The following SGTB variants were observed in gnomAD, a reference collection of about 807,000 sequenced individuals.
SGTB encodes small glutamine-rich tetratricopeptide repeat-containing protein beta.
A neutral mutation model predicts 43.9 loss-of-function variants in SGTB; 19 were observed. That is an observed-to-expected ratio of 0.43 (90% CI 0.30 to 0.63). The LOEUF (loss-of-function observed/expected upper bound fraction) is 0.63, where lower values mean the gene tolerates loss of function less well. SGTB is among the 30% of genes least tolerant of loss of function. The pLI, the probability that SGTB is intolerant of heterozygous loss-of-function variation, is 0.12. For synonymous variants in SGTB, 116 were observed against 117.3 expected, an observed-to-expected ratio of 0.99 and a Z score of 0.07; for missense variants, 304 against 358.9, an observed-to-expected ratio of 0.85 and a Z score of 1.24.
At position 65,669,295 on chromosome 5, in the gene SGTB, G is replaced by T. The variant is rs1757107218; in HGVS notation, c.*951C>A. ...TAAGTTTTCTTTTTAAAAAAAATCAGTGTTTATGGGCACACAATTAAATAC... is the reference window on the plus strand; with the variant it reads ...TAAGTTTTCTTTTTAAAAAAAATCATTGTTTATGGGCACACAATTAAATAC... On this transcript the variant is annotated 3_prime_UTR_variant, in exon 11 of 11. Transcript: ENST00000381007. The T allele has an allele frequency of 6.6e-6, 1 of 152,110 alleles. No homozygotes were observed. The highest frequency in any genetic ancestry group is 6.6e-5 in the Admixed American group (1 of 15,262). 9.4% of individuals were successfully genotyped at this position (152,110 alleles called of 1,614,324 possible).
intron 8 of SGTB, among the ~76,000 whole-genome samples, chr5:65,679,839 T>C (rs578213458): frequency 3.3e-5 from 5 of 152,168 alleles, no homozygotes; most frequent in Non-Finnish European, 7.3e-5. Context: ...ATAGAAATCT[T>C]TCTACTGTAA....
chr5:65,722,517 G>A, upstream of SGTB: 1 of 1,094,034 alleles, frequency 9.1e-7, no homozygotes, highest in Non-Finnish European at 1.3e-6. Context: ...GCGCCTCTCC[G>A]ACGCTCCCGG....
chr5:65,704,590 TA>T (rs1204676779), intron 4 of SGTB, among the ~76,000 whole-genome samples: 17 of 152,222 alleles, frequency 1.1e-4, no homozygotes, highest in African/African-American at 3.9e-4. Context: ...CAAAGTCTTT[TA>T]AAAAATTAAT....
intron 8 of SGTB, among the ~76,000 whole-genome samples, chr5:65,679,044 C>T (rs1427984317): frequency 6.6e-6 from 1 of 152,062 alleles, no homozygotes; most frequent in Non-Finnish European, 1.5e-5. Context: ...AAACAATCAA[C>T]AGAGTAAACA....
intron 5 of SGTB, among the ~76,000 whole-genome samples, chr5:65,699,911 G>A (rs972262579): frequency 6.6e-6 from 1 of 152,182 alleles, no homozygotes; most frequent in African/African-American, 2.4e-5. Flanking sequence ...GAATTTGATA[G>A]GGGCAAAACT....
At chr5:65,699,212 G>A (rs1395138068) in intron 5 of SGTB, among the ~76,000 whole-genome samples, 1 of 152,168 alleles carries the variant, frequency 6.6e-6, no homozygotes, top group African/African-American at 2.4e-5. Context: ...CCACAAAAAA[G>A]AACAAGATAA....
In SGTB at chr5:65,668,258, G is replaced by C. The variant is rs1474486718; in HGVS notation, c.*1988C>G. 1 of 151,878 alleles carries C rather than the reference G, an allele frequency of 6.6e-6. No homozygotes were observed. Among genetic ancestry groups the C allele is most frequent in the South Asian group, 2.1e-4 (1 of 4,804 alleles). 9.4% of individuals were successfully genotyped at this position (151,878 alleles called of 1,614,324 possible). ...ATGAGCCACAGCGCCCGGCCAATTA[G>C]TCTTTTGATAAGGGTTCTATAAGGC... On this transcript the variant is annotated 3_prime_UTR_variant, in exon 11 of 11. Coordinates refer to ENST00000381007, the MANE Select transcript of SGTB (RefSeq NM_019072.3).
At chr5:65,685,239 C>G (rs1757476091) in intron 6 of SGTB, 129 bp downstream of exon 6, 1 of 717,474 alleles carries the variant, frequency 1.4e-6, no homozygotes, top group Non-Finnish European at 2.3e-6. Flanking sequence ...CATTTCCTCC[C>G]TTATGTTTTA....
At chr5:65,675,905 C>A (rs1757256426) in intron 8 of SGTB, among the ~76,000 whole-genome samples, 1 of 152,122 alleles carries the variant, frequency 6.6e-6, no homozygotes, top group Non-Finnish European at 1.5e-5. Context: ...AGTATACAGA[C>A]CAGTGACACT....
chr5:65,680,672 C>CT lies in SGTB; in HGVS notation c.601dup (p.Arg201LysfsTer14). 6.2e-7 allele frequency: 1 copy of CT among 1,614,052 alleles called. No homozygotes were observed. The highest frequency in any genetic ancestry group is 8.5e-7 in the Non-Finnish European group (1 of 1,179,998). ...ACAACTTACAGGACTGGATACCTCT[C>CT]TTAACTTCTGTTCTGCTATTTTCAG... On this transcript the variant is annotated frameshift_variant, in exon 7 of 11. Transcript: ENST00000381007. LOFTEE classifies it high-confidence loss of function.
intron 5 of SGTB, among the ~76,000 whole-genome samples, chr5:65,700,126 A>T (rs1240444673): frequency 6.6e-6 from 1 of 152,222 alleles, no homozygotes; most frequent in Non-Finnish European, 1.5e-5. Context: ...TAGTTATGCT[A>T]TCTAGAAAGT....
At chr5:65,684,377 C>G (rs1757457325) in intron 6 of SGTB, among the ~76,000 whole-genome samples, 1 of 152,042 alleles carries the variant, frequency 6.6e-6, no homozygotes. Context: ...AGCCACTGCA[C>G]CTGGCTCAGT....
chr5:65,697,033 T>G (rs1242559335), intron 5 of SGTB, among the ~76,000 whole-genome samples: 1 of 152,186 alleles, frequency 6.6e-6, no homozygotes, highest in Admixed American at 6.5e-5. Context: ...AATATTTAGA[T>G]TGGCTATTCT....
rs376674774 is a variant in SGTB, at chr5:65,679,213, A to G, written c.681+1281T>C. 9.5e-4 allele frequency among the ~76,000 whole-genome samples: 144 copies of G among 152,340 alleles called. 1 individual carries two copies. Among genetic ancestry groups the G allele is most frequent in the African/African-American group, 3.3e-3 (139 of 41,584 alleles). ...ACAGACAATTCTCAAAAGAAGACAT[A>G]TATGTGGCCAACAAACATATGAAAA... is the stretch of plus-strand genomic sequence containing the variant. On this transcript the variant is annotated intron_variant, in intron 8 of 10. Transcript: ENST00000381007.
intron 8 of SGTB, among the ~76,000 whole-genome samples, chr5:65,673,298 T>C (rs577061511): frequency 1.3e-5 from 2 of 152,158 alleles, no homozygotes; most frequent in Admixed American, 6.5e-5. Context: ...GACTGACCGG[T>C]TGTAGTAGAA....
chr5:65,679,061 C>G (rs2150705479), intron 8 of SGTB, among the ~76,000 whole-genome samples: 1 of 152,178 alleles, frequency 6.6e-6, no homozygotes, highest in South Asian at 2.1e-4. Context: ...AACAGACAAC[C>G]TACAGAATGG....
chr5:65,719,903 T>A (rs1021865512), intron 2 of SGTB, among the ~76,000 whole-genome samples: 1 of 152,112 alleles, frequency 6.6e-6, no homozygotes, highest in African/African-American at 2.4e-5. Flanking sequence ...TATTAGACTT[T>A]TACATAGTGC....
At chr5:65,686,079 T>A (rs1224718091) in intron 5 of SGTB, among the ~76,000 whole-genome samples, 2 of 152,054 alleles carry the variant, frequency 1.3e-5, no homozygotes, top group Non-Finnish European at 2.9e-5. Context: ...CTCTCCTCAA[T>A]AACGTTTCCA....
At chr5:65,703,931 G>A (rs1757870722) in intron 5 of SGTB, among the ~76,000 whole-genome samples, 1 of 150,546 alleles carries the variant, frequency 6.6e-6, no homozygotes, top group African/African-American at 2.4e-5. Context: ...CCGGCTACTT[G>A]GGAGGCTGAG....
Sources: allele counts gnomAD v4.1 joint callset (sites outside exome capture counted in the v4.1 genomes callset), GRCh38; gene constraint gnomAD v4.1.1; transcripts MANE v1.5; gene names NCBI Gene and HGNC (gene_info 2026-07-23, HGNC 2026-07-21).